The following GUCY1A2 variants were observed in gnomAD, a reference collection of about 807,000 sequenced individuals.
GUCY1A2 encodes guanylate cyclase soluble subunit alpha-2.
Under a neutral mutation model 63.5 loss-of-function variants are expected in GUCY1A2, and 27 were observed. The ratio of observed to expected loss-of-function variants is 0.43; its 90% confidence interval spans 0.31 to 0.59. GUCY1A2 has a LOEUF of 0.59. Among genes scored for constraint, GUCY1A2 ranks in the 20% least tolerant of loss-of-function variants. The pLI, the probability that GUCY1A2 is intolerant of heterozygous loss-of-function variation, is 0.11. For missense variants in GUCY1A2, 768 were observed against 913.3 expected (o/e 0.84, Z 2.05); for synonymous variants, 364 against 343.5 (o/e 1.06, Z -0.66).
At chr11:106,821,148 T>C (rs1033169974) in intron 4 of GUCY1A2, among the ~76,000 whole-genome samples, 3 of 152,214 alleles carry the variant, frequency 2.0e-5, no homozygotes, top group Non-Finnish European at 2.9e-5. Flanking sequence ...AATACGTCTA[T>C]GCTTTATAGT....
intron 1 of GUCY1A2, among the ~76,000 whole-genome samples, chr11:106,991,953 G>C (rs1861475296): frequency 6.6e-6 from 1 of 152,148 alleles, no homozygotes; most frequent in African/African-American, 2.4e-5. Context: ...CACCACATGA[G>C]GTAGGTGTTA....
chr11:106,987,947 A>G (rs887104819), intron 1 of GUCY1A2, among the ~76,000 whole-genome samples: 1 of 152,112 alleles, frequency 6.6e-6, no homozygotes. Flanking sequence ...CCAATTCACA[A>G]ATTAATTTTA....
intron 4 of GUCY1A2, among the ~76,000 whole-genome samples, chr11:106,836,168 G>T (rs1222210482): frequency 6.6e-6 from 1 of 151,824 alleles, no homozygotes; most frequent in Non-Finnish European, 1.5e-5. Flanking sequence ...TGGGAGCGCT[G>T]GTCCCCCATG....
At chr11:106,950,707 C>T (rs1365076647) in intron 3 of GUCY1A2, among the ~76,000 whole-genome samples, 1 of 152,166 alleles carries the variant, frequency 6.6e-6, no homozygotes, top group African/African-American at 2.4e-5. Flanking sequence ...TCCACATGGA[C>T]CGATCCTCGG....
intron 4 of GUCY1A2, among the ~76,000 whole-genome samples, chr11:106,836,387 T>C (rs966419137): frequency 6.6e-6 from 1 of 152,032 alleles, no homozygotes; most frequent in Non-Finnish European, 1.5e-5. Context: ...TATACAGTAC[T>C]GTACCATATT....
chr11:106,919,973 T>C (rs753105718), intron 4 of GUCY1A2, among the ~76,000 whole-genome samples: 5 of 152,152 alleles, frequency 3.3e-5, no homozygotes, highest in East Asian at 1.9e-4. Flanking sequence ...ACTTTAAAAA[T>C]TGAGATGCGC....
intron 4 of GUCY1A2, among the ~76,000 whole-genome samples, chr11:106,936,208 T>A (rs980800092): frequency 2.6e-5 from 4 of 152,192 alleles, no homozygotes; most frequent in African/African-American, 9.7e-5. Flanking sequence ...TTACATGGAC[T>A]AAATATTAAC....
chr11:106,770,036 T>TA (rs560646003), intron 6 of GUCY1A2, among the ~76,000 whole-genome samples: 40 of 151,164 alleles, frequency 2.6e-4, no homozygotes, highest in African/African-American at 6.5e-4. Flanking sequence ...CATTAAAAAA[T>TA]AAAAAAAATA....
chr11:106,992,678 T>C (rs1040206035), intron 1 of GUCY1A2, among the ~76,000 whole-genome samples: 1 of 152,196 alleles, frequency 6.6e-6, no homozygotes, highest in African/African-American at 2.4e-5. Context: ...AAGTAGTTTT[T>C]TAATGTTACA....
chr11:106,781,112 CAAAAAAAAAAA>C (rs565279937), intron 5 of GUCY1A2, among the ~76,000 whole-genome samples: 7 of 89,032 alleles, frequency 7.9e-5, no homozygotes, highest in Non-Finnish European at 1.4e-4. Flanking sequence ...AAACAGACTA[CAAAAAAAAAAA>C]AAAAAAAAAA....
intron 6 of GUCY1A2, among the ~76,000 whole-genome samples, chr11:106,754,894 CTT>C (rs999776190): frequency 6.0e-4 from 92 of 152,240 alleles, no homozygotes; most frequent in African/African-American, 2.0e-3. Flanking sequence ...AGGATTCCCT[CTT>C]TTTCTATTGA....
chr11:106,960,590 G>C (rs1861046164), intron 3 of GUCY1A2, among the ~76,000 whole-genome samples: 1 of 152,132 alleles, frequency 6.6e-6, no homozygotes, highest in Non-Finnish European at 1.5e-5. Flanking sequence ...GCATATTCAG[G>C]TTCCTTTACA....
chr11:106,696,999 G>C (rs942117427), intron 7 of GUCY1A2, among the ~76,000 whole-genome samples: 1 of 152,086 alleles, frequency 6.6e-6, no homozygotes, highest in African/African-American at 2.4e-5. Flanking sequence ...GAAAAAGAAA[G>C]ATTTTACTCT....
At position 106,680,998 on chromosome 11, in the gene GUCY1A2, A is replaced by T. The variant is rs540528133; in HGVS notation, c.*6551T>A. The T allele has an allele frequency of 4.9e-6, 1 of 204,078 alleles. No individual in the cohort carries two copies. Among genetic ancestry groups the T allele is most frequent in the African/African-American group, 2.3e-5 (1 of 43,862 alleles). 12.6% of individuals were successfully genotyped at this position (204,078 alleles called of 1,614,324 possible). On this transcript the variant is annotated 3_prime_UTR_variant, in exon 8 of 8. Transcript: ENST00000526355. ...CTGTAATCCTTATACATTATTCTAA[A>T]TGATGAAGTAAATTTAACTACTAAA...
intron 6 of GUCY1A2, among the ~76,000 whole-genome samples, chr11:106,752,995 A>G (rs1011712499): frequency 1.3e-5 from 2 of 152,054 alleles, no homozygotes; most frequent in South Asian, 2.1e-4. Flanking sequence ...AAGCATTCCT[A>G]TTTCTCCAAA....
chr11:106,958,344 T>C (rs888629977), intron 3 of GUCY1A2, among the ~76,000 whole-genome samples: 1 of 152,192 alleles, frequency 6.6e-6, no homozygotes, highest in Non-Finnish European at 1.5e-5. Flanking sequence ...CTCAGGAAGC[T>C]TGCTCTTCCA....
intron 1 of GUCY1A2, among the ~76,000 whole-genome samples, chr11:107,002,213 C>T (rs959949219): frequency 1.3e-5 from 2 of 152,024 alleles, no homozygotes; most frequent in African/African-American, 4.8e-5. Context: ...TTCCACACTA[C>T]CTTTCAACAG....
intron 4 of GUCY1A2, among the ~76,000 whole-genome samples, chr11:106,883,532 G>A (rs1464681423): frequency 6.6e-6 from 1 of 152,104 alleles, no homozygotes; most frequent in African/African-American, 2.4e-5. Context: ...AGAGCTAGAG[G>A]ATGCTATGAG....
At chr11:106,796,906 G>A (rs1357888333) in intron 5 of GUCY1A2, among the ~76,000 whole-genome samples, 1 of 152,108 alleles carries the variant, frequency 6.6e-6, no homozygotes, top group Non-Finnish European at 1.5e-5. Flanking sequence ...TCACTTTCAG[G>A]CACACCAATC....
Sources: gnomAD v4.1 joint callset for allele counts (sites outside exome capture counted in the v4.1 genomes callset) on GRCh38, gnomAD v4.1.1 for gene constraint, MANE v1.5 for transcripts, NCBI Gene and HGNC (gene_info 2026-07-23, HGNC 2026-07-21) for gene names.